ACSM1: variants seen among roughly 807,000 people sequenced by gnomAD.
ACSM1 encodes the protein acyl-CoA synthetase medium chain family member 1.
ACSM1 carries 79 observed loss-of-function variants against 75.8 expected under a neutral mutation model. The ratio of observed to expected loss-of-function variants is 1.04; its 90% CI spans 0.87 to 1.26. ACSM1 has a LOEUF of 1.26. ACSM1 is among the 50% of genes most tolerant of loss of function. The pLI is 0.00. For synonymous variants in ACSM1, 279 were observed against 265.8 expected (o/e 1.05, Z -0.48); for missense variants, 676 against 720.1 (o/e 0.94, Z 0.70).
At chr16:20,685,078 G>A (rs2079522106) in intron 3 of ACSM1, 115 bp downstream of exon 3, 1 of 1,091,008 alleles carries the variant, frequency 9.2e-7, no homozygotes, top group Non-Finnish European at 1.4e-6. Flanking sequence ...AGAAACTGGG[G>A]CGAAGGCTTC....
chr16:20,642,812 C>T (rs968336470), intron 7 of ACSM1, among the ~76,000 whole-genome samples: 2 of 152,224 alleles, frequency 1.3e-5, no homozygotes, highest in Non-Finnish European at 2.9e-5. Context: ...AATCCTTCCA[C>T]TGTGTTTCCA....
chr16:20,694,462 T>A (rs1216550606), intron 1 of ACSM1, among the ~76,000 whole-genome samples: 3 of 152,200 alleles, frequency 2.0e-5, no homozygotes, highest in African/African-American at 7.2e-5. Context: ...TAGAAGCCCA[T>A]CACCTCTGTT....
At chr16:20,673,590 G>A (rs979162003) in intron 4 of ACSM1, among the ~76,000 whole-genome samples, 2 of 152,148 alleles carry the variant, frequency 1.3e-5, no homozygotes, top group African/African-American at 4.8e-5. Context: ...TTTGGAGGCA[G>A]AAGGGGCCTT....
intron 2 of ACSM1, among the ~76,000 whole-genome samples, chr16:20,687,955 T>C (rs933484666): frequency 2.0e-5 from 3 of 151,786 alleles, no homozygotes; most frequent in African/African-American, 7.3e-5. Flanking sequence ...CATAGTTGCA[T>C]GCACCTGTAA....
chr16:20,694,798 A>G (rs1454428569), intron 1 of ACSM1, among the ~76,000 whole-genome samples: 2 of 152,188 alleles, frequency 1.3e-5, no homozygotes, highest in Non-Finnish European at 2.9e-5. Flanking sequence ...TAAAAATGTA[A>G]TTAAGTTAAA....
chr16:20,674,710 T>C (rs1055401860), intron 4 of ACSM1: 1 of 152,150 alleles, frequency 6.6e-6, no homozygotes. Context: ...ATCCAAGGCA[T>C]GCCATGGGGG....
intron 7 of ACSM1, among the ~76,000 whole-genome samples, chr16:20,653,278 C>A (rs1021830926): frequency 5.3e-5 from 8 of 152,144 alleles, no homozygotes; most frequent in African/African-American, 1.9e-4. Flanking sequence ...CTATTTATGA[C>A]AAACCCACAG....
chr16:20,696,566 C>T lies in ACSM1; in HGVS notation c.-52+1070G>A, dbSNP rs144382784. Among the ~76,000 whole-genome samples, 461 of 152,300 alleles carry T rather than the reference C, an allele frequency of 3.0e-3. 3 individuals carry two copies. Among genetic ancestry groups the T allele is most frequent in the Non-Finnish European group, 4.7e-3 (319 of 68,018 alleles). ...GATGTACCATGTACAGTTTTAGATA[C>T]TATTGGAGATTAATTAAACTGAAAG... On this transcript the variant is annotated intron_variant, in intron 1 of 13. Transcript: ENST00000520010.
intron 7 of ACSM1, among the ~76,000 whole-genome samples, chr16:20,656,879 C>T (rs1021427143): frequency 1.4e-5 from 2 of 143,030 alleles, no homozygotes; most frequent in Non-Finnish European, 3.0e-5. Flanking sequence ...CCAAACCCTC[C>T]AAATCAAGAA....
chr16:20,623,235 T>G lies in ACSM1; in HGVS notation c.*251A>C. 1 of 443,248 alleles carries G rather than the reference T, an allele frequency of 2.3e-6. No homozygotes were observed. The highest frequency in any genetic ancestry group is 4.1e-6 in the Non-Finnish European group (1 of 241,240). 27.5% of individuals were successfully genotyped at this position (443,248 alleles called of 1,614,324 possible). A position where few individuals can be genotyped will look rare whatever the true frequency, so the allele number is the denominator to read the frequency against. On this transcript the variant is annotated 3_prime_UTR_variant, in exon 14 of 14. Coordinates refer to ENST00000520010, the MANE Select transcript of ACSM1 (RefSeq NM_001318890.3). ...CTGAATAAATGCTCAACACAGGGTA[T>G]TGTTGATATCAGTATTTTATTACTT...
At position 20,667,539 on chromosome 16, in the gene ACSM1, C is replaced by T. The variant is rs376279452; in HGVS notation, c.912+2288G>A. Among the ~76,000 whole-genome samples, 6 of 152,228 alleles carry T rather than the reference C, an allele frequency of 3.9e-5. No individual in the cohort carries two copies. In the South Asian group the frequency reaches 1.2e-3, roughly 32 times the overall value. On this transcript the variant is annotated intron_variant, in intron 6 of 13. Coordinates refer to ENST00000520010, the MANE Select transcript of ACSM1 (RefSeq NM_001318890.3). ...GTGAGGCTTTGGAAAAAATGGAATG[C>T]TTATATACTATTGATAGAAATGCAA...
rs149116399 is a variant in ACSM1, at chr16:20,694,105, T to G, written c.-51-2866A>C. 1.3e-3 allele frequency among the ~76,000 whole-genome samples: 205 copies of G among 152,370 alleles called. 1 individual carries two copies. Among genetic ancestry groups the G allele is most frequent in the African/African-American group, 4.7e-3 (197 of 41,592 alleles). On this transcript the variant is annotated intron_variant, in intron 1 of 13. Coordinates refer to ENST00000520010, the MANE Select transcript of ACSM1 (RefSeq NM_001318890.3). ...TCCTCTTGCTTATTTAAAAGTGTTT[T>G]AATCTTTCTCAGCATTTCACGAGTT...
intron 10 of ACSM1, among the ~76,000 whole-genome samples, chr16:20,633,763 C>T (rs1292575887): frequency 6.6e-6 from 1 of 152,154 alleles, no homozygotes; most frequent in Non-Finnish European, 1.5e-5. Flanking sequence ...GGCGCGGTAG[C>T]TCACATCCAT....
chr16:20,689,605 A>C (rs530387484), intron 2 of ACSM1, among the ~76,000 whole-genome samples: 1 of 152,310 alleles, frequency 6.6e-6, no homozygotes, highest in South Asian at 2.1e-4. Flanking sequence ...TCAATGAAAA[A>C]CTTTTAGAAT....
chr16:20,667,236 T>G (rs1200714135), intron 6 of ACSM1, among the ~76,000 whole-genome samples: 1 of 152,104 alleles, frequency 6.6e-6, no homozygotes, highest in Non-Finnish European at 1.5e-5. Flanking sequence ...TACAAAGAAT[T>G]TAAGTTATTT....
In ACSM1 at chr16:20,657,459, C is replaced by T. The variant is rs1039907311; in HGVS notation, c.992+4335G>A. On this transcript the variant is annotated intron_variant, in intron 7 of 13. Transcript: ENST00000520010. ...GAGTAGCTGGGATTACAGGTGCCCA[C>T]GACCACGCCCAGCTAACTTTTATAC... Among the ~76,000 whole-genome samples the T allele has an allele frequency of 7.2e-5, 11 of 152,068 alleles. 1 individual carries two copies. The highest frequency in any genetic ancestry group is 3.3e-4 in the Admixed American group (5 of 15,240).
intron 9 of ACSM1, 114 bp downstream of exon 9, chr16:20,637,257 G>A (rs757554589): frequency 2.4e-6 from 2 of 833,648 alleles, no homozygotes; most frequent in Non-Finnish European, 2.0e-6. Context: ...AATGAGAAGA[G>A]AGGAGGAAGG....
chr16:20,679,549 A>G (rs1400165534), intron 4 of ACSM1: 1 of 152,254 alleles, frequency 6.6e-6, no homozygotes, highest in Non-Finnish European at 1.5e-5. Context: ...AAGGTTTGCC[A>G]TTCCTATGTG....
At chr16:20,650,845 T>A (rs2018607372) in intron 7 of ACSM1, among the ~76,000 whole-genome samples, 1 of 152,092 alleles carries the variant, frequency 6.6e-6, no homozygotes, top group African/African-American at 2.4e-5. Flanking sequence ...ATTCCTAAGG[T>A]CGACCTGCAG....
Sources: allele counts gnomAD v4.1 joint callset (sites outside exome capture counted in the v4.1 genomes callset), GRCh38; gene constraint gnomAD v4.1.1; transcripts MANE v1.5; gene names NCBI Gene and HGNC (gene_info 2026-07-23, HGNC 2026-07-21).